The following EME2 variants were observed in gnomAD, a reference collection of about 807,000 sequenced individuals.
The protein encoded by EME2 is essential meiotic structure-specific endonuclease subunit 2, also known as structure-specific endonuclease subunit EME2.
Under a neutral mutation model 41.9 loss-of-function variants are expected in EME2, and 58 were observed. The observed-to-expected ratio is 1.38, with a 90% CI of 1.12 to 1.72. The LOEUF is 1.72. EME2 is among the 40% of genes most tolerant of loss of function. The pLI is 0.00. For synonymous variants in EME2, 334 were observed against 239.3 expected (o/e 1.40, Z -3.65); for missense variants, 695 against 541.9 (o/e 1.28, Z -2.81).
At position 1,773,433 on chromosome 16, in the gene EME2, C is replaced by G; in HGVS notation, c.206C>G (p.Pro69Arg). ...GCCGAGGCGTTGCGGCTGCTGCGGC[C>G]GGAGCAGGTCCTGAAGCGCCTCGCG... is the stretch of plus-strand genomic sequence containing the variant. ...AAAEALRLLR[P>R]EQVLKRLAVC... The change falls in exon 1 of 8, where the codon CCG (proline) becomes CGG (arginine). Residue 69 changes from proline (P) to arginine (R), a missense_variant. By Grantham distance (103) the Pro-to-Arg change is moderately radical (BLOSUM62 -2). Transcript: ENST00000568449. 6.4e-7 allele frequency: 1 copy of G among 1,569,230 alleles called. No individual in the cohort carries two copies. Among genetic ancestry groups the G allele is most frequent in the South Asian group, 1.1e-5 (1 of 87,830 alleles).
At position 1,778,258 on chromosome 16, in the gene EME2, C is replaced by T; in HGVS notation, c.*2020C>T. On this transcript the variant is annotated 3_prime_UTR_variant, in exon 8 of 8. Coordinates refer to ENST00000568449, the MANE Select transcript of EME2 (RefSeq NM_001257370.2). Reference sequence around the variant, plus strand: ...GTACTCCATGTGGAAGCTGACCTTACGGTTGTCACAGCTCAGCAGGGTGGC... The same window carrying T: ...GTACTCCATGTGGAAGCTGACCTTATGGTTGTCACAGCTCAGCAGGGTGGC... 9 of 1,612,904 alleles carry T rather than the reference C, an allele frequency of 5.6e-6. No homozygotes were observed. Among genetic ancestry groups the T allele is most frequent in the Middle Eastern group, 1.7e-4 (1 of 6,060 alleles).
Position 1,777,915 on chromosome 16 carries a change from T to TCGGCC in EME2, c.*1679_*1683dup. 1 of 1,611,784 alleles carries TCGGCC rather than the reference T, an allele frequency of 6.2e-7. No homozygotes were observed. The highest frequency in any genetic ancestry group is 8.5e-7 in the Non-Finnish European group (1 of 1,179,594). On this transcript the variant is annotated 3_prime_UTR_variant, in exon 8 of 8. Transcript: ENST00000568449. Reference sequence around the variant, plus strand: ...CGCAGTGAGCCCGGGAGCTCCAGGCTCGGCCCCGCCCCACCCTGGGCCTCA... The same window carrying TCGGCC: ...CGCAGTGAGCCCGGGAGCTCCAGGCTCGGCCCGGCCCCGCCCCACCCTGGGCCTCA...
At chr16:1,774,596 G>A (rs55758600) in intron 3 of EME2, among the ~76,000 whole-genome samples, 46 of 152,364 alleles carry the variant, frequency 3.0e-4, no homozygotes, top group South Asian at 8.3e-4. Flanking sequence ...GCCGGGGTCC[G>A]GGCAGTAGGC....
chr16:1,778,405 G>A lies in EME2; in HGVS notation c.*2167G>A, dbSNP rs751539032. 1.1e-5 allele frequency: 17 copies of A among 1,605,980 alleles called. No homozygotes were observed. Among genetic ancestry groups the A allele is most frequent in the Non-Finnish European group, 1.4e-5 (16 of 1,176,560 alleles). On this transcript the variant is annotated 3_prime_UTR_variant, in exon 8 of 8. Transcript: ENST00000568449. ...CACCCCCAGGCCCGCCCGCAGTGCA[G>A]TCCCAGCAGGGGCTGGGCCCCACGC...
In EME2 at chr16:1,773,831, G is replaced by A; in HGVS notation, c.374G>A (p.Cys125Tyr). 6.5e-7 allele frequency: 1 copy of A among 1,545,364 alleles called. No individual in the cohort carries two copies. The highest frequency in any genetic ancestry group is 8.7e-7 in the Non-Finnish European group (1 of 1,149,824). Reference protein sequence around the residue: ...LRWTRASPDPCPRSLPPEVWA... With the variant: ...LRWTRASPDPYPRSLPPEVWA... ...TGGACCCGAGCGAGTCCCGACCCCTGCCCCCGCAGCGTGAGTGGTCGCGGG... is the reference window on the plus strand; with the variant it reads ...TGGACCCGAGCGAGTCCCGACCCCTACCCCCGCAGCGTGAGTGGTCGCGGG... Residue 125 changes from cysteine to tyrosine, a missense_variant, in exon 2 of 8, where the codon TGC becomes TAC. Coordinates refer to ENST00000568449, the MANE Select transcript of EME2 (RefSeq NM_001257370.2).
intron 3 of EME2, among the ~76,000 whole-genome samples, chr16:1,774,605 G>A (rs574626800): frequency 2.6e-5 from 4 of 152,392 alleles, no homozygotes; most frequent in South Asian, 2.1e-4. Flanking sequence ...CGGGCAGTAG[G>A]CTGCAGGCTT....
Position 1,778,019 on chromosome 16 carries a change from G to C in EME2, c.*1781G>C, listed in dbSNP as rs758735943. ...AGAACGTGTGGCGGTATTTGTCCAG[G>C]TCCACATCCGACGTCCCGATGCCCA... On this transcript the variant is annotated 3_prime_UTR_variant, in exon 8 of 8. Coordinates refer to ENST00000568449, the MANE Select transcript of EME2 (RefSeq NM_001257370.2). 6.2e-7 allele frequency: 1 copy of C among 1,613,234 alleles called. No individual in the cohort carries two copies.
chr16:1,774,256 A>C lies in EME2; in HGVS notation c.385-4A>C, dbSNP rs770349351. ...GGCAGCAGCGCGTCCCCATGTCCCC[A>C]CAGCTGCCTCCTGAAGTGTGGGCTG... On this transcript the variant is annotated splice_region_variant and splice_polypyrimidine_tract_variant and intron_variant, in intron 2 of 7. Coordinates refer to ENST00000568449, the MANE Select transcript of EME2 (RefSeq NM_001257370.2). 6.2e-7 allele frequency: 1 copy of C among 1,612,086 alleles called. No homozygotes were observed. The highest frequency in any genetic ancestry group is 2.2e-5 in the East Asian group (1 of 44,886).
Position 1,773,157 on chromosome 16 carries a change from C to T in EME2, c.-71C>T. On this transcript the variant is annotated 5_prime_UTR_variant, in exon 1 of 8. Coordinates refer to ENST00000568449, the MANE Select transcript of EME2 (RefSeq NM_001257370.2). ...TCCTCAGCGGTCCGGCCGGAAGTCA[C>T]CGGAAGAGGCCGGTGTCCCAGGCTA... is the stretch of plus-strand genomic sequence containing the variant. 7.1e-7 allele frequency: 1 copy of T among 1,402,440 alleles called. No homozygotes were observed. The highest frequency in any genetic ancestry group is 9.2e-7 in the Non-Finnish European group (1 of 1,084,952). The allele number at this position is 1,402,440 out of a possible 1,614,324, so 86.9% of individuals were successfully genotyped here.
intron 3 of EME2, 49 bp from the exon 4 acceptor site, chr16:1,774,992 T>C (rs987509622): frequency 4.7e-6 from 7 of 1,493,284 alleles, no homozygotes; most frequent in African/African-American, 1.4e-5. Context: ...CCCATGGCCA[T>C]AGGCCGCAGC....
In EME2 at chr16:1,781,241, A is replaced by T; in HGVS notation, c.*5003A>T. 1 of 1,598,096 alleles carries T rather than the reference A, an allele frequency of 6.3e-7. No homozygotes were observed. The highest frequency in any genetic ancestry group is 8.5e-7 in the Non-Finnish European group (1 of 1,176,874). ...AGGCCCAGGTTTGGACTGGTCCTCTAGCCTCAGAAGCATCTTTTTCTCCGA... is the reference window on the plus strand; with the variant it reads ...AGGCCCAGGTTTGGACTGGTCCTCTTGCCTCAGAAGCATCTTTTTCTCCGA... On this transcript the variant is annotated 3_prime_UTR_variant, in exon 8 of 8. Transcript: ENST00000568449.
rs1459079049 is a variant in EME2, at chr16:1,776,076, G to A, written c.978G>A (p.Glu326=). The change falls in exon 8 of 8, where the codon GAG becomes GAA. Residue 326 remains glutamate, a synonymous_variant. Transcript: ENST00000568449. ...CCTTTGCCTGCTCCTAGGCGCTGGA[G>A]GCCTGCAGCACGGAGCGGGAGCGCA... ...PSPRLLQQAL[E]ACSTERERMG... is the part of the protein sequence containing the mutation. 1.9e-6 allele frequency: 3 copies of A among 1,608,892 alleles called. No homozygotes were observed. The highest frequency in any genetic ancestry group is 1.7e-4 in the Middle Eastern group (1 of 6,044).
intron 3 of EME2, chr16:1,774,834 A>G (rs1171573658): frequency 3.1e-6 from 2 of 636,502 alleles, no homozygotes; most frequent in Non-Finnish European, 5.6e-6. Flanking sequence ...GTGCCCGAGC[A>G]GCCACTCCAG....
chr16:1,778,122 G>A lies in EME2; in HGVS notation c.*1884G>A, dbSNP rs576953359. 46 of 1,612,778 alleles carry A rather than the reference G, an allele frequency of 2.9e-5. 1 individual carries two copies. The highest frequency in any genetic ancestry group is 2.4e-4 in the African/African-American group (18 of 75,040). On this transcript the variant is annotated 3_prime_UTR_variant, in exon 8 of 8. Transcript: ENST00000568449. ...AGGTTCCCCAGAAGCACCCTGGGCC[G>A]AAGCAACTTACCATGTCGGTGCCGT...
chr16:1,778,088 G>A lies in EME2; in HGVS notation c.*1850G>A. On this transcript the variant is annotated 3_prime_UTR_variant, in exon 8 of 8. Coordinates refer to ENST00000568449, the MANE Select transcript of EME2 (RefSeq NM_001257370.2). ...CAGGCAGAGGGCGCGGGGCTGGGCT[G>A]CCGGAGCCAGGTTCCCCAGAAGCAC... 1 of 1,612,940 alleles carries A rather than the reference G, an allele frequency of 6.2e-7. No homozygotes were observed. Among genetic ancestry groups the A allele is most frequent in the Non-Finnish European group, 8.5e-7 (1 of 1,179,940 alleles).
Position 1,781,132 on chromosome 16 carries a change from G to A in EME2, c.*4894G>A, listed in dbSNP as rs1037244602. The A allele has an allele frequency of 1.3e-6, 2 of 1,492,102 alleles. No individual in the cohort carries two copies. Among genetic ancestry groups the A allele is most frequent in the Non-Finnish European group, 9.0e-7 (1 of 1,116,082 alleles). 92.4% of individuals were successfully genotyped at this position (1,492,102 alleles called of 1,614,324 possible). A position where few individuals can be genotyped will look rare whatever the true frequency, so the allele number is the denominator to read the frequency against. The stretch of plus-strand genomic sequence containing the variant: ...GAAAGCACAGTGAAGAATGCAGTGT[G>A]TTCTGAGGTCCTGTCACCCCTGAGG... On this transcript the variant is annotated 3_prime_UTR_variant, in exon 8 of 8. Transcript: ENST00000568449.
rs750480455 is a variant in EME2, at chr16:1,780,868, G to A, written c.*4630G>A. On this transcript the variant is annotated 3_prime_UTR_variant, in exon 8 of 8. Transcript: ENST00000568449. Reference sequence around the variant, plus strand: ...CCAGCTCAGCCTCCTGAGTCGTTGGGACTACAGGCACGTGCCACCACGCCT... The same window carrying A: ...CCAGCTCAGCCTCCTGAGTCGTTGGAACTACAGGCACGTGCCACCACGCCT... The A allele has an allele frequency of 8.0e-4, 261 of 324,542 alleles. No homozygotes were observed. Among genetic ancestry groups the A allele is most frequent in the Non-Finnish European group, 1.4e-3 (235 of 166,142 alleles). The allele number at this position is 324,542 out of a possible 1,614,324, so 20.1% of individuals were successfully genotyped here. A position where few individuals can be genotyped will look rare whatever the true frequency, so the allele number is the denominator to read the frequency against.
chr16:1,776,314 C>T lies in EME2; in HGVS notation c.*76C>T. The T allele has an allele frequency of 1.3e-6, 2 of 1,483,166 alleles. No homozygotes were observed. Among genetic ancestry groups the T allele is most frequent in the East Asian group, 2.3e-5 (1 of 43,974 alleles). The allele number at this position is 1,483,166 out of a possible 1,614,324, so 91.9% of individuals were successfully genotyped here. On this transcript the variant is annotated 3_prime_UTR_variant, in exon 8 of 8. Transcript: ENST00000568449. ...ACCCTGGGCGGTGGGGGAGGACCCCCAGCCACATGTGGACCCTCAGCCTGG... is the reference window on the plus strand; with the variant it reads ...ACCCTGGGCGGTGGGGGAGGACCCCTAGCCACATGTGGACCCTCAGCCTGG...
At position 1,776,117 on chromosome 16, in the gene EME2, A is replaced by G. The variant is rs2042708997; in HGVS notation, c.1019A>G (p.Asp340Gly). The G allele has an allele frequency of 1.2e-6, 2 of 1,611,708 alleles. No individual in the cohort carries two copies. Among genetic ancestry groups the G allele is most frequent in the Non-Finnish European group, 8.5e-7 (1 of 1,179,778 alleles). The change falls in exon 8 of 8, where the codon GAC becomes GGC. Residue 340 changes from aspartate (D) to glycine (G), a missense_variant. Physicochemically the swap from Asp to Gly is moderately conservative, Grantham distance 94 (BLOSUM62 -1). Coordinates refer to ENST00000568449, the MANE Select transcript of EME2 (RefSeq NM_001257370.2). ...CGGGAGCGCATGGGCCTCCTGGCCG[A>G]CCTTCCTGTGCCGCCCAGTGAAGGC... ...TERERMGLLADLPVPPSEGGR... is the reference protein window; with the variant it reads ...TERERMGLLAGLPVPPSEGGR...
Sources: gnomAD v4.1 joint callset for allele counts (sites outside exome capture counted in the v4.1 genomes callset) on GRCh38, gnomAD v4.1.1 for gene constraint, MANE v1.5 for transcripts, NCBI Gene and HGNC (gene_info 2026-07-23, HGNC 2026-07-21) for gene names.